The following LUZP2 variants were observed in gnomAD, a reference collection of about 807,000 sequenced individuals.
LUZP2 encodes the protein leucine zipper protein 2.
A neutral mutation model predicts 51.6 loss-of-function variants in LUZP2; 52 were observed. That is an observed-to-expected ratio of 1.01 (90% confidence interval 0.81 to 1.27). The LOEUF is 1.27. Among genes scored for constraint, LUZP2 ranks in the 50% most tolerant of loss-of-function variants. The probability of loss-of-function intolerance (pLI) is 0.00; values close to 1 mark genes in which losing one functional copy is unlikely to be tolerated. For missense variants in LUZP2, 436 were observed against 395.4 expected (o/e 1.10, Z -0.87); for synonymous variants, 154 against 137.3 (o/e 1.12, Z -0.85).
intron 1 of LUZP2, among the ~76,000 whole-genome samples, chr11:24,546,835 T>C (rs1258574854): frequency 6.6e-6 from 1 of 152,074 alleles, no homozygotes; most frequent in East Asian, 1.9e-4. Context: ...TAAAATAGTT[T>C]CAGTAGGAAT....
chr11:24,976,716 A>C, intron 8 of LUZP2, 51 bp downstream of exon 8: 1 of 868,324 alleles, frequency 1.2e-6, no homozygotes, highest in Non-Finnish European at 1.7e-6. Context: ...CAAAAAAAAA[A>C]AAAAAAAAAA....
intron 9 of LUZP2, among the ~76,000 whole-genome samples, chr11:25,010,845 C>A (rs1450846498): frequency 6.6e-6 from 1 of 151,746 alleles, no homozygotes; most frequent in Non-Finnish European, 1.5e-5. Context: ...AGATACCATC[C>A]AAATAATAAT....
chr11:24,789,749 C>A (rs1287375306), intron 5 of LUZP2, among the ~76,000 whole-genome samples: 1 of 152,160 alleles, frequency 6.6e-6, no homozygotes, highest in Non-Finnish European at 1.5e-5. Context: ...AAAGATGACA[C>A]CTCTTGCTGT....
At chr11:24,987,546 T>G (rs974052381) in intron 9 of LUZP2, among the ~76,000 whole-genome samples, 1 of 151,962 alleles carries the variant, frequency 6.6e-6, no homozygotes, top group African/African-American at 2.4e-5. Flanking sequence ...ACTCACTGCC[T>G]TAGTTGCAGT....
At chr11:25,031,070 T>C (rs2133991378) in intron 9 of LUZP2, among the ~76,000 whole-genome samples, 1 of 134,302 alleles carries the variant, frequency 7.4e-6, no homozygotes, top group Non-Finnish European at 1.6e-5. Flanking sequence ...TGGAGTGCAG[T>C]GGTGTGATCT....
chr11:24,835,219 T>C (rs1235101745), intron 5 of LUZP2, among the ~76,000 whole-genome samples: 3 of 152,182 alleles, frequency 2.0e-5, no homozygotes, highest in African/African-American at 7.2e-5. Flanking sequence ...AAGGATTCCC[T>C]ATTTAATAAA....
chr11:24,990,889 A>C (rs1420287061), intron 9 of LUZP2, among the ~76,000 whole-genome samples: 1 of 151,992 alleles, frequency 6.6e-6, no homozygotes, highest in East Asian at 1.9e-4. Flanking sequence ...TCATGGGTTC[A>C]TCTCAAATGT....
At chr11:25,015,657 G>A (rs372095797) in intron 9 of LUZP2, among the ~76,000 whole-genome samples, 6 of 152,090 alleles carry the variant, frequency 3.9e-5, no homozygotes, top group African/African-American at 1.4e-4. Flanking sequence ...TAACACGACA[G>A]AGGTGTGGTA....
chr11:24,583,513 T>G (rs1852947801), intron 1 of LUZP2, among the ~76,000 whole-genome samples: 1 of 152,144 alleles, frequency 6.6e-6, no homozygotes, highest in African/African-American at 2.4e-5. Context: ...TAACATAACT[T>G]TTAATATTCC....
chr11:24,567,732 A>T (rs1852290467), intron 1 of LUZP2, among the ~76,000 whole-genome samples: 1 of 152,152 alleles, frequency 6.6e-6, no homozygotes, highest in African/African-American at 2.4e-5. Context: ...TCTTATGTTC[A>T]ACAAAGCTTC....
chr11:24,839,055 T>C (rs1850944069), intron 5 of LUZP2, among the ~76,000 whole-genome samples: 5 of 151,698 alleles, frequency 3.3e-5, no homozygotes. Flanking sequence ...TAATTATCAA[T>C]TCAAATTTAT....
chr11:24,599,939 C>T (rs1409568582), intron 1 of LUZP2, among the ~76,000 whole-genome samples: 2 of 152,064 alleles, frequency 1.3e-5, no homozygotes, highest in Non-Finnish European at 2.9e-5. Flanking sequence ...TGATGGGGAA[C>T]ACATTTCAGT....
chr11:24,860,927 A>T (rs893466226), intron 5 of LUZP2, among the ~76,000 whole-genome samples: 3 of 152,216 alleles, frequency 2.0e-5, no homozygotes, highest in African/African-American at 7.2e-5. Flanking sequence ...ACATTTTGCC[A>T]TCAAGGGTGC....
intron 1 of LUZP2, among the ~76,000 whole-genome samples, chr11:24,579,792 A>G (rs1000584772): frequency 6.6e-6 from 1 of 152,110 alleles, no homozygotes; most frequent in African/African-American, 2.4e-5. Context: ...TTATCAAATC[A>G]TACATTATAA....
intron 5 of LUZP2, among the ~76,000 whole-genome samples, chr11:24,780,278 A>G (rs1337822664): frequency 2.6e-5 from 4 of 152,068 alleles, no homozygotes; most frequent in Non-Finnish European, 5.9e-5. Flanking sequence ...CATTGGATAG[A>G]ATTTATAGAT....
rs1464269266 is a variant in LUZP2, at chr11:24,790,539, T to A, written c.396+27231T>A. Among the ~76,000 whole-genome samples, 3 of 152,176 alleles carry A rather than the reference T, an allele frequency of 2.0e-5. No homozygotes were observed. The East Asian group carries it at 5.8e-4, about 29-fold the overall frequency. On this transcript the variant is annotated intron_variant, in intron 5 of 11. Coordinates refer to ENST00000336930, the MANE Select transcript of LUZP2 (RefSeq NM_001009909.4). ...TTTTCTGAGACAGATTATTGCTCTGTCATCCAGCCTGTAGTGCAGTGGCAC... is the reference window on the plus strand; with the variant it reads ...TTTTCTGAGACAGATTATTGCTCTGACATCCAGCCTGTAGTGCAGTGGCAC...
intron 1 of LUZP2, among the ~76,000 whole-genome samples, chr11:24,501,824 G>T (rs1249407787): frequency 1.1e-4 from 16 of 152,084 alleles, no homozygotes; most frequent in Non-Finnish European, 2.1e-4. Flanking sequence ...AAACAAAATT[G>T]GGTAAATAAC....
intron 1 of LUZP2, among the ~76,000 whole-genome samples, chr11:24,520,936 G>A (rs746291929): frequency 5.9e-5 from 9 of 152,132 alleles, no homozygotes; most frequent in Non-Finnish European, 7.4e-5. Context: ...GCCTCAGTCC[G>A]CACCATCATT....
At chr11:24,796,609 G>T (rs1849553432) in intron 5 of LUZP2, among the ~76,000 whole-genome samples, 1 of 150,086 alleles carries the variant, frequency 6.7e-6, no homozygotes, top group South Asian at 2.1e-4. Context: ...AGGTTCAGAA[G>T]GTTTATACCA....
Sources: allele counts gnomAD v4.1 joint callset (sites outside exome capture counted in the v4.1 genomes callset), GRCh38; gene constraint gnomAD v4.1.1; transcripts MANE v1.5; gene names NCBI Gene and HGNC (gene_info 2026-07-23, HGNC 2026-07-21).